The following NLGN1 variants were observed in gnomAD, a reference collection of about 807,000 sequenced individuals.
The protein encoded by NLGN1 is neuroligin 1.
NLGN1 carries 12 observed loss-of-function variants against 65.5 expected under a neutral mutation model. That is an observed-to-expected ratio of 0.18 (90% CI 0.12 to 0.30). The LOEUF (loss-of-function observed/expected upper bound fraction) is 0.30. Among genes scored for constraint, NLGN1 ranks in the 10% least tolerant of loss-of-function variants. The pLI, the probability that NLGN1 is intolerant of heterozygous loss-of-function variation, is 1.00. For missense variants in NLGN1, 750 were observed against 1,007.1 expected (o/e 0.74, Z 3.46); for synonymous variants, 350 against 359.5 (o/e 0.97, Z 0.30).
chr3:173,650,300 C>T (rs1451542768), intron 3 of NLGN1, among the ~76,000 whole-genome samples: 1 of 152,042 alleles, frequency 6.6e-6, no homozygotes, highest in East Asian at 1.9e-4. Flanking sequence ...CAAATGATGG[C>T]ACAATGAATA....
At chr3:173,758,146 T>C (rs2150192345) in intron 3 of NLGN1, among the ~76,000 whole-genome samples, 1 of 152,164 alleles carries the variant, frequency 6.6e-6, no homozygotes. Context: ...CATGTGCATG[T>C]AATGAGCAAA....
chr3:173,983,362 G>A (rs1356913707), intron 4 of NLGN1, among the ~76,000 whole-genome samples: 3 of 152,186 alleles, frequency 2.0e-5, no homozygotes, highest in Non-Finnish European at 2.9e-5. Flanking sequence ...TGGGCTGTAA[G>A]TAAAGGAGTA....
intron 4 of NLGN1, among the ~76,000 whole-genome samples, chr3:173,858,910 A>T (rs1728534461): frequency 6.6e-6 from 1 of 152,218 alleles, no homozygotes; most frequent in Admixed American, 6.5e-5. Flanking sequence ...CCACATTGAT[A>T]ATGTCAGCAG....
intron 3 of NLGN1, among the ~76,000 whole-genome samples, chr3:173,718,357 A>C (rs1026687413): frequency 1.3e-5 from 2 of 152,112 alleles, no homozygotes; most frequent in African/African-American, 4.8e-5. Flanking sequence ...ATGAAATATC[A>C]ATCTTTTTAG....
At chr3:173,585,476 C>G (rs570233403) in intron 2 of NLGN1, among the ~76,000 whole-genome samples, 1 of 152,210 alleles carries the variant, frequency 6.6e-6, no homozygotes, top group African/African-American at 2.4e-5. Flanking sequence ...ATGTTGTCTC[C>G]TCCCCCACCC....
intron 4 of NLGN1, among the ~76,000 whole-genome samples, chr3:174,244,448 T>G (rs1743428417): frequency 6.6e-6 from 1 of 152,192 alleles, no homozygotes; most frequent in Non-Finnish European, 1.5e-5. Flanking sequence ...TGTTGAGAGT[T>G]ATATATGCTC....
At chr3:174,186,354 C>G (rs755987468) in intron 4 of NLGN1, among the ~76,000 whole-genome samples, 1 of 151,872 alleles carries the variant, frequency 6.6e-6, no homozygotes, top group Non-Finnish European at 1.5e-5. Flanking sequence ...TTAGTATTTC[C>G]ATTACCTTAA....
chr3:173,494,685 G>C (rs1468977353), intron 2 of NLGN1, among the ~76,000 whole-genome samples: 2 of 151,678 alleles, frequency 1.3e-5, no homozygotes, highest in Admixed American at 6.6e-5. Flanking sequence ...TAGATATATA[G>C]TTTGAATTAT....
chr3:173,698,059 A>G (rs182272168), intron 3 of NLGN1, among the ~76,000 whole-genome samples: 2 of 151,882 alleles, frequency 1.3e-5, no homozygotes, highest in African/African-American at 4.8e-5. Context: ...AAACTTATTT[A>G]TATATGCTTT....
At chr3:173,561,439 C>G (rs1427302572) in intron 2 of NLGN1, among the ~76,000 whole-genome samples, 2 of 152,052 alleles carry the variant, frequency 1.3e-5, no homozygotes, top group Admixed American at 1.3e-4. Context: ...AATCCCATCC[C>G]GAAGCCTTAT....
chr3:173,633,305 C>T (rs1756040001), intron 3 of NLGN1, among the ~76,000 whole-genome samples: 1 of 152,170 alleles, frequency 6.6e-6, no homozygotes, highest in African/African-American at 2.4e-5. Flanking sequence ...TTGGCCTCTG[C>T]AAACTTTTCT....
At chr3:174,074,720 C>T (rs1740554501) in intron 4 of NLGN1, among the ~76,000 whole-genome samples, 2 of 152,216 alleles carry the variant, frequency 1.3e-5, no homozygotes, top group Non-Finnish European at 2.9e-5. Flanking sequence ...TGCCAACTCA[C>T]TAGTGGAAAC....
chr3:173,848,591 A>G (rs187962208), intron 4 of NLGN1, among the ~76,000 whole-genome samples: 2 of 152,352 alleles, frequency 1.3e-5, no homozygotes, highest in East Asian at 3.9e-4. Flanking sequence ...GCATTAAATA[A>G]TAACAACAAT....
intron 3 of NLGN1, among the ~76,000 whole-genome samples, chr3:173,671,547 T>G (rs191143064): frequency 6.6e-6 from 1 of 152,298 alleles, no homozygotes; most frequent in East Asian, 1.9e-4. Flanking sequence ...TGATATGAAA[T>G]AACTTCACAA....
chr3:173,558,945 G>C (rs1279719249), intron 2 of NLGN1, among the ~76,000 whole-genome samples: 2 of 151,942 alleles, frequency 1.3e-5, no homozygotes, highest in African/African-American at 4.8e-5. Flanking sequence ...TCTCTTCCTG[G>C]TGGTTAAGAT....
At chr3:174,225,488 T>C (rs1344174397) in intron 4 of NLGN1, among the ~76,000 whole-genome samples, 2 of 152,180 alleles carry the variant, frequency 1.3e-5, no homozygotes, top group Non-Finnish European at 1.5e-5. Context: ...TCCCAGCACT[T>C]TGGGAGGCCG....
intron 4 of NLGN1, among the ~76,000 whole-genome samples, chr3:174,095,949 A>C (rs1177741908): frequency 6.6e-6 from 1 of 151,970 alleles, no homozygotes. Flanking sequence ...GCAGTGAGCC[A>C]AGATCGCGCC....
chr3:174,260,390 G>C (rs1233097766), intron 4 of NLGN1, among the ~76,000 whole-genome samples: 1 of 150,936 alleles, frequency 6.6e-6, no homozygotes, highest in Non-Finnish European at 1.5e-5. Flanking sequence ...ACTGGTGTGA[G>C]ATGGTATCTC....
At chr3:174,108,463 C>T (rs997223076) in intron 4 of NLGN1, among the ~76,000 whole-genome samples, 6 of 151,830 alleles carry the variant, frequency 4.0e-5, no homozygotes, top group African/African-American at 1.5e-4. Flanking sequence ...ATAAAGAAAA[C>T]ACAGCACACT....
Sources: gnomAD v4.1 joint callset for allele counts (sites outside exome capture counted in the v4.1 genomes callset) on GRCh38, gnomAD v4.1.1 for gene constraint, MANE v1.5 for transcripts, NCBI Gene and HGNC (gene_info 2026-07-23, HGNC 2026-07-21) for gene names.